The following GABBR2 variants were observed in gnomAD, a reference collection of about 807,000 sequenced individuals.
GABBR2 encodes G-protein coupled receptor 51.
In GABBR2, 23 loss-of-function variants were observed where a neutral mutation model predicts 105.6. The ratio of observed to expected loss-of-function variants is 0.22; its 90% confidence interval spans 0.16 to 0.31. GABBR2 has a LOEUF of 0.31. Ranked by LOEUF, GABBR2 falls within the 10% of genes least tolerant of loss-of-function variation. GABBR2 has a pLI of 1.00. For missense variants in GABBR2, 734 were observed against 1,245.5 expected (o/e 0.59, Z 6.18); for synonymous variants, 478 against 499.7 (o/e 0.96, Z 0.58).
At chr9:98,642,630 T>C (rs1010085740) in intron 1 of GABBR2, among the ~76,000 whole-genome samples, 1 of 152,186 alleles carries the variant, frequency 6.6e-6, no homozygotes, top group Non-Finnish European at 1.5e-5. Flanking sequence ...TCCCACCCTA[T>C]GAGTGAGACA....
chr9:98,544,864 C>T (rs1459030267), intron 2 of GABBR2, among the ~76,000 whole-genome samples: 5 of 152,260 alleles, frequency 3.3e-5, no homozygotes, highest in East Asian at 3.9e-4. Context: ...ATTTAGGTCC[C>T]GTAGTGAGTG....
chr9:98,606,020 C>T (rs754396847), intron 1 of GABBR2, among the ~76,000 whole-genome samples: 1 of 152,062 alleles, frequency 6.6e-6, no homozygotes, highest in Admixed American at 6.5e-5. Context: ...TGAGAACATG[C>T]GGTGTTTGGT....
At chr9:98,326,305 T>C (rs1402196606) in intron 13 of GABBR2, among the ~76,000 whole-genome samples, 1 of 152,184 alleles carries the variant, frequency 6.6e-6, no homozygotes, top group Non-Finnish European at 1.5e-5. Context: ...ATATATAATC[T>C]CATGTGCTCC....
chr9:98,493,492 G>A (rs1588193547), intron 4 of GABBR2, among the ~76,000 whole-genome samples: 1 of 152,224 alleles, frequency 6.6e-6, no homozygotes, highest in East Asian at 1.9e-4. Context: ...TATCTCACTG[G>A]ATTGATCTAT....
chr9:98,492,106 C>T (rs1185918227), intron 4 of GABBR2, among the ~76,000 whole-genome samples: 4 of 151,796 alleles, frequency 2.6e-5, no homozygotes, highest in African/African-American at 4.8e-5. Context: ...TGTTTTTTTC[C>T]TGGCCTAGAT....
chr9:98,516,796 C>T (rs959685731), intron 3 of GABBR2, among the ~76,000 whole-genome samples: 1 of 152,178 alleles, frequency 6.6e-6, no homozygotes, highest in East Asian at 1.9e-4. Flanking sequence ...ATATCAACCA[C>T]CCTTGGGCTC....
intron 1 of GABBR2, among the ~76,000 whole-genome samples, chr9:98,639,417 G>GA (rs1829927651): frequency 6.6e-6 from 1 of 152,146 alleles, no homozygotes; most frequent in Non-Finnish European, 1.5e-5. Context: ...GCAGCTGCCA[G>GA]AAGACTGTCA....
chr9:98,352,039 T>C (rs1831408339), intron 13 of GABBR2, among the ~76,000 whole-genome samples: 1 of 152,266 alleles, frequency 6.6e-6, no homozygotes, highest in African/African-American at 2.4e-5. Context: ...TTGGCTTTGA[T>C]TCTGAATGGG....
intron 13 of GABBR2, among the ~76,000 whole-genome samples, chr9:98,350,621 TA>T (rs34764940): frequency 0.65 from 98,735 of 151,932 alleles, 32,876 homozygotes; most frequent in Admixed American, 0.74. Flanking sequence ...GATTTCGATG[TA>T]AAAAAAATTT....
intron 2 of GABBR2, among the ~76,000 whole-genome samples, chr9:98,560,009 CTT>C (rs1828644430): frequency 6.6e-6 from 1 of 151,082 alleles, no homozygotes; most frequent in South Asian, 2.1e-4. Flanking sequence ...CACACACACA[CTT>C]GCTCATATTT....
intron 1 of GABBR2, among the ~76,000 whole-genome samples, chr9:98,606,123 A>G (rs1029017216): frequency 6.6e-6 from 1 of 152,202 alleles, no homozygotes. Context: ...TTGCGGCTGC[A>G]TAGTATTCCA....
chr9:98,377,295 G>A lies in GABBR2; in HGVS notation c.1663-5724C>T, dbSNP rs1588129664. 2.0e-5 allele frequency among the ~76,000 whole-genome samples: 3 copies of A among 152,244 alleles called. No individual in the cohort carries two copies. The South Asian group carries it at 6.2e-4, about 32-fold the overall frequency. ...TACAGCTCTGTGGACAGAAGACGTG[G>A]ACAAGTGGGCGTCAGGGCCAGAGAG... On this transcript the variant is annotated intron_variant, in intron 11 of 18. Transcript: ENST00000259455.
rs759307124 is a variant in GABBR2 at position 98,408,465 on chromosome 9, C to T, written c.1237-2324G>A. Reference sequence around the variant, plus strand: ...CCATCCCTGCTACCCTAAGTATTGCCGACTGGATAGGGGACCACTGTGCCA... The same window carrying T: ...CCATCCCTGCTACCCTAAGTATTGCTGACTGGATAGGGGACCACTGTGCCA... On this transcript the variant is annotated intron_variant, in intron 7 of 18. Coordinates refer to ENST00000259455, the MANE Select transcript of GABBR2 (RefSeq NM_005458.8). 7.2e-5 allele frequency among the ~76,000 whole-genome samples: 11 copies of T among 152,226 alleles called. 1 individual carries two copies. The highest frequency in any genetic ancestry group is 1.6e-4 in the Non-Finnish European group (11 of 68,010).
At chr9:98,631,035 T>C (rs1361370276) in intron 1 of GABBR2, among the ~76,000 whole-genome samples, 1 of 152,216 alleles carries the variant, frequency 6.6e-6, no homozygotes, top group African/African-American at 2.4e-5. Flanking sequence ...TTCTACTGCA[T>C]AGCGCTGCTG....
chr9:98,342,949 C>G (rs953747236), intron 13 of GABBR2, among the ~76,000 whole-genome samples: 1 of 152,076 alleles, frequency 6.6e-6, no homozygotes, highest in South Asian at 2.1e-4. Context: ...GACTTTTTTT[C>G]CCCCCAGAGC....
At chr9:98,412,053 C>T (rs1292310507) in intron 7 of GABBR2, among the ~76,000 whole-genome samples, 2 of 152,238 alleles carry the variant, frequency 1.3e-5, no homozygotes, top group Admixed American at 1.3e-4. Flanking sequence ...TTCACTCCAA[C>T]AAGTTTATGA....
chr9:98,463,308 G>T (rs1348707499), intron 6 of GABBR2, among the ~76,000 whole-genome samples: 1 of 152,208 alleles, frequency 6.6e-6, no homozygotes, highest in Non-Finnish European at 1.5e-5. Context: ...ATATTAAGAT[G>T]TCAGTTTTCC....
In GABBR2 at chr9:98,432,980, T is replaced by C. The variant is rs181318309; in HGVS notation, c.1236+21001A>G. Among the ~76,000 whole-genome samples the C allele has an allele frequency of 2.0e-5, 3 of 152,248 alleles. No homozygotes were observed. In the East Asian group the frequency reaches 5.8e-4, roughly 29 times the overall value. ...TCACTTTGGGGGTGTGTGGGAGAAA[T>C]GGGACGTGTTTCCATTACACTGGAG... On this transcript the variant is annotated intron_variant, in intron 7 of 18. Coordinates refer to ENST00000259455, the MANE Select transcript of GABBR2 (RefSeq NM_005458.8).
At chr9:98,549,950 C>T (rs534521421) in intron 2 of GABBR2, among the ~76,000 whole-genome samples, 2 of 152,278 alleles carry the variant, frequency 1.3e-5, no homozygotes, top group East Asian at 3.9e-4. Context: ...GCAAAATCCT[C>T]CAGAATCTTG....
Sources: gnomAD v4.1 joint callset for allele counts (sites outside exome capture counted in the v4.1 genomes callset) on GRCh38, gnomAD v4.1.1 for gene constraint, MANE v1.5 for transcripts, NCBI Gene and HGNC (gene_info 2026-07-23, HGNC 2026-07-21) for gene names.